Variants in RAD51B observed in about 807,000 individuals in gnomAD.
The protein encoded by RAD51B is DNA repair protein RAD51 homolog 2.
A neutral mutation model predicts 42.2 loss-of-function variants in RAD51B; 38 were observed. The observed-to-expected ratio is 0.90, with a 90% confidence interval of 0.70 to 1.18. RAD51B has a LOEUF of 1.18. RAD51B is among the 50% of genes most tolerant of loss of function. RAD51B has a pLI of 0.00. For missense variants in RAD51B, 373 were observed against 400.7 expected (o/e 0.93, Z 0.59); for synonymous variants, 154 against 145.2 (o/e 1.06, Z -0.43).
At chr14:68,314,326 G>A (rs1019840796) in intron 8 of RAD51B, among the ~76,000 whole-genome samples, 2 of 151,896 alleles carry the variant, frequency 1.3e-5, no homozygotes, top group Non-Finnish European at 2.9e-5. Context: ...CTTCCTGCCC[G>A]AATGTCTCTC....
chr14:68,153,481 C>G (rs1208809980), intron 7 of RAD51B, among the ~76,000 whole-genome samples: 1 of 152,076 alleles, frequency 6.6e-6, no homozygotes, highest in Non-Finnish European at 1.5e-5. Flanking sequence ...TCCTGTTCTC[C>G]TCAACCTCTC....
At chr14:68,314,199 G>A (rs1475467538) in intron 8 of RAD51B, among the ~76,000 whole-genome samples, 2 of 152,056 alleles carry the variant, frequency 1.3e-5, no homozygotes, top group Non-Finnish European at 2.9e-5. Context: ...GCCCTGCCTC[G>A]AGGAAAATAA....
intron 7 of RAD51B, among the ~76,000 whole-genome samples, chr14:68,013,379 G>C (rs1164499138): frequency 1.3e-5 from 2 of 152,112 alleles, no homozygotes; most frequent in East Asian, 3.9e-4. Context: ...ATCCCCCTAG[G>C]TTCAAGAGGA....
At chr14:68,287,934 T>C (rs2081444008) in intron 7 of RAD51B, among the ~76,000 whole-genome samples, 1 of 152,172 alleles carries the variant, frequency 6.6e-6, no homozygotes, top group Non-Finnish European at 1.5e-5. Context: ...GCTTGCTCCA[T>C]GTCACACAGC....
chr14:68,330,760 A>G (rs1194723813), intron 8 of RAD51B, among the ~76,000 whole-genome samples: 1 of 152,166 alleles, frequency 6.6e-6, no homozygotes, highest in African/African-American at 2.4e-5. Context: ...TTTATTTTCT[A>G]CTCTTTCAGT....
chr14:68,241,229 G>A (rs958148749), intron 7 of RAD51B, among the ~76,000 whole-genome samples: 3 of 152,144 alleles, frequency 2.0e-5, no homozygotes, highest in Non-Finnish European at 4.4e-5. Context: ...TTTGTTATGA[G>A]AAAAACCTGT....
intron 7 of RAD51B, among the ~76,000 whole-genome samples, chr14:67,959,563 A>G (rs1285315524): frequency 1.3e-5 from 2 of 152,126 alleles, no homozygotes; most frequent in Non-Finnish European, 2.9e-5. Context: ...TTCTTTTGAA[A>G]TTTATGTTAG....
chr14:68,678,333 T>C lies in RAD51B; in HGVS notation c.*11+27477T>C, dbSNP rs1360306441. 2.0e-5 allele frequency among the ~76,000 whole-genome samples: 3 copies of C among 152,168 alleles called. No homozygotes were observed. In the East Asian group the frequency reaches 5.8e-4, roughly 29 times the overall value. Reference sequence around the variant, plus strand: ...GTGCCCTGAGCCAAATCTGAACCTGTTGAGCTTGATCAAAGAATGAATTGT... The same window carrying C: ...GTGCCCTGAGCCAAATCTGAACCTGCTGAGCTTGATCAAAGAATGAATTGT... On this transcript the variant is annotated intron_variant, in intron 11 of 11. Transcript: ENST00000488612.
chr14:68,270,529 G>C (rs1179200084), intron 7 of RAD51B, among the ~76,000 whole-genome samples: 1 of 152,184 alleles, frequency 6.6e-6, no homozygotes, highest in African/African-American at 2.4e-5. Flanking sequence ...AGCTTGCCTT[G>C]TTGGTTTTTC....
At chr14:68,257,172 A>G (rs2080770515) in intron 7 of RAD51B, among the ~76,000 whole-genome samples, 1 of 152,226 alleles carries the variant, frequency 6.6e-6, no homozygotes. Flanking sequence ...TACAGAAAGT[A>G]GAATAGAGGT....
intron 7 of RAD51B, among the ~76,000 whole-genome samples, chr14:68,234,677 A>G (rs1595583984): frequency 1.3e-5 from 2 of 152,246 alleles, no homozygotes; most frequent in South Asian, 4.1e-4. Context: ...TGGTATATCT[A>G]TGAGGGTACT....
intron 8 of RAD51B, among the ~76,000 whole-genome samples, chr14:68,354,653 G>C (rs1002678772): frequency 3.3e-5 from 5 of 152,142 alleles, no homozygotes; most frequent in South Asian, 2.1e-4. Flanking sequence ...AGGATCACTT[G>C]AGTCTGGGAG....
intron 8 of RAD51B, among the ~76,000 whole-genome samples, chr14:68,352,267 G>A (rs543414799): frequency 5.3e-5 from 8 of 152,208 alleles, no homozygotes; most frequent in Non-Finnish European, 8.8e-5. Flanking sequence ...ACGTTGTGGT[G>A]CTGTATTTCT....
intron 7 of RAD51B, among the ~76,000 whole-genome samples, chr14:68,206,975 A>G (rs2079603113): frequency 6.6e-6 from 1 of 152,080 alleles, no homozygotes; most frequent in Admixed American, 6.5e-5. Flanking sequence ...TATTTTTAGT[A>G]GAGACAGGGT....
chr14:67,840,598 T>C (rs2041393503), intron 4 of RAD51B, among the ~76,000 whole-genome samples: 1 of 152,122 alleles, frequency 6.6e-6, no homozygotes, highest in Non-Finnish European at 1.5e-5. Context: ...AACATACGAG[T>C]GCATATGTCT....
At chr14:68,616,203 G>A (rs541860171), downstream of RAD51B, among the ~76,000 whole-genome samples, 1 of 152,120 alleles carries the variant, frequency 6.6e-6, no homozygotes, top group South Asian at 2.1e-4. Flanking sequence ...TTATCCTCAT[G>A]TTTCCCATTT....
At chr14:68,155,725 TAGTC>T (rs1041094683) in intron 7 of RAD51B, among the ~76,000 whole-genome samples, 2 of 152,174 alleles carry the variant, frequency 1.3e-5, no homozygotes, top group African/African-American at 2.4e-5. Flanking sequence ...CTTTTATAAA[TAGTC>T]AGTTTGAAAA....
chr14:68,031,223 C>G lies in RAD51B; in HGVS notation c.756+144019C>G, dbSNP rs549865673. Among the ~76,000 whole-genome samples the G allele has an allele frequency of 5.3e-5, 8 of 152,162 alleles. No homozygotes were observed. In the South Asian group the frequency reaches 8.3e-4, roughly 16 times the overall value. On this transcript the variant is annotated intron_variant, in intron 7 of 10. Coordinates refer to ENST00000471583, the MANE Select transcript of RAD51B (RefSeq NM_133510.4). ...ATGTCTTACATGGATGGCAGGCAGGCAAAAAGAGAACGGGGATCAAGTGAA... is the reference window on the plus strand; with the variant it reads ...ATGTCTTACATGGATGGCAGGCAGGGAAAAAGAGAACGGGGATCAAGTGAA...
rs2079491426 is a variant in RAD51B, at chr14:68,201,816, TTTGAGAATA to T, written c.757-90063_757-90055del. On this transcript the variant is annotated intron_variant, in intron 7 of 10. Transcript: ENST00000471583. ...GTAGGATGTTAGTCAATGACCGTTT[TTTGAGAATA>T]TTGATAAAAAGGCATTTAAGATATG... Among the ~76,000 whole-genome samples the T allele has an allele frequency of 5.9e-5, 9 of 152,300 alleles. No homozygotes were observed. The South Asian group carries it at 1.9e-3, about 32-fold the overall frequency.
Sources: allele counts gnomAD v4.1 joint callset (sites outside exome capture counted in the v4.1 genomes callset), GRCh38; gene constraint gnomAD v4.1.1; transcripts MANE v1.5; gene names NCBI Gene and HGNC (gene_info 2026-07-23, HGNC 2026-07-21).